Variants in HS3ST3A1 observed in about 807,000 individuals in gnomAD.
HS3ST3A1 encodes heparan sulfate glucosamine 3-O-sulfotransferase 3A1.
A neutral mutation model predicts 25.7 loss-of-function variants in HS3ST3A1; 19 were observed. The observed-to-expected ratio is 0.74, with a 90% CI of 0.52 to 1.08. HS3ST3A1 has a LOEUF of 1.08. HS3ST3A1 is among the 50% of genes least tolerant of loss of function. The pLI is 0.00. For synonymous variants in HS3ST3A1, 226 were observed against 278.6 expected (o/e 0.81, Z 1.88); for missense variants, 459 against 594.3 (o/e 0.77, Z 2.37).
At position 13,601,258 on chromosome 17, in the gene HS3ST3A1, T is replaced by C. The variant is rs1908732665; in HGVS notation, c.-129A>G. ...ACATCGCCGTGCGCCCCTGTGGCCG[T>C]GCGAACTGTCCCGGGAGGCAGCGGC... is the stretch of plus-strand genomic sequence containing the variant. On this transcript the variant is annotated 5_prime_UTR_variant, in exon 1 of 2. Transcript: ENST00000284110. The C allele has an allele frequency of 2.9e-6, 2 of 693,024 alleles. No homozygotes were observed. Among genetic ancestry groups the C allele is most frequent in the African/African-American group, 3.8e-5 (2 of 52,144 alleles). 42.9% of individuals were successfully genotyped at this position (693,024 alleles called of 1,614,324 possible).
At chr17:13,529,621 T>TA (rs1349600558) in intron 1 of HS3ST3A1, among the ~76,000 whole-genome samples, 1 of 152,198 alleles carries the variant, frequency 6.6e-6, no homozygotes, top group Non-Finnish European at 1.5e-5. Flanking sequence ...AAGTCTACTG[T>TA]AAAAAATCCA....
At chr17:13,573,287 C>G (rs904433120) in intron 1 of HS3ST3A1, among the ~76,000 whole-genome samples, 4 of 152,140 alleles carry the variant, frequency 2.6e-5, no homozygotes, top group South Asian at 4.2e-4. Context: ...CCTTCCAACT[C>G]ATAAATACTC....
At chr17:13,575,897 G>A (rs1223273979) in intron 1 of HS3ST3A1, among the ~76,000 whole-genome samples, 1 of 152,230 alleles carries the variant, frequency 6.6e-6, no homozygotes, top group African/African-American at 2.4e-5. Flanking sequence ...TTCACGGCAA[G>A]TCTTTCTGGA....
At chr17:13,589,614 CACA>C (rs989422058) in intron 1 of HS3ST3A1, among the ~76,000 whole-genome samples, 3 of 152,136 alleles carry the variant, frequency 2.0e-5, no homozygotes, top group African/African-American at 4.8e-5. Context: ...AAAGCAAACA[CACA>C]ACATTTGACA....
chr17:13,517,302 C>T (rs538514639), intron 1 of HS3ST3A1, among the ~76,000 whole-genome samples: 2 of 152,274 alleles, frequency 1.3e-5, no homozygotes, highest in Admixed American at 6.5e-5. Context: ...ATTTATTGAA[C>T]GTCTACCTTG....
At chr17:13,518,836 C>T (rs1257451671) in intron 1 of HS3ST3A1, among the ~76,000 whole-genome samples, 3 of 152,300 alleles carry the variant, frequency 2.0e-5, no homozygotes, top group South Asian at 2.1e-4. Context: ...GCCATCTGGT[C>T]GACCCACAGC....
chr17:13,512,142 A>G (rs887899287), intron 1 of HS3ST3A1, among the ~76,000 whole-genome samples: 9 of 151,982 alleles, frequency 5.9e-5, no homozygotes, highest in Non-Finnish European at 1.2e-4. Flanking sequence ...TACTAAAAAT[A>G]CAAAAAATTA....
At chr17:13,503,193 A>AG (rs1905543928) in intron 1 of HS3ST3A1, among the ~76,000 whole-genome samples, 6 of 146,600 alleles carry the variant, frequency 4.1e-5, no homozygotes, top group African/African-American at 1.5e-4. Context: ...AAAAAAAAAG[A>AG]AAAAAAAAGA....
chr17:13,539,898 T>C (rs892251017), intron 1 of HS3ST3A1, among the ~76,000 whole-genome samples: 2 of 152,192 alleles, frequency 1.3e-5, no homozygotes, highest in African/African-American at 4.8e-5. Context: ...CCACCAACCA[T>C]GTAAGATGAG....
At chr17:13,576,085 G>T (rs887308509) in intron 1 of HS3ST3A1, among the ~76,000 whole-genome samples, 11 of 152,222 alleles carry the variant, frequency 7.2e-5, no homozygotes, top group Non-Finnish European at 7.3e-5. Flanking sequence ...TGATTCTGAT[G>T]CAACTTAGGT....
intron 1 of HS3ST3A1, among the ~76,000 whole-genome samples, 170 bp downstream of exon 1, chr17:13,600,361 A>G (rs1908685651): frequency 6.6e-6 from 1 of 150,586 alleles, no homozygotes; most frequent in South Asian, 2.1e-4. Flanking sequence ...TTCAACATCC[A>G]CTTCCCAGGA....
rs767127250 is a variant in HS3ST3A1 at position 13,545,970 on chromosome 17, C to T, written c.600-49152G>A. 1.6e-4 allele frequency among the ~76,000 whole-genome samples: 24 copies of T among 151,964 alleles called. 1 individual carries two copies. The highest frequency in any genetic ancestry group is 2.8e-4 in the Non-Finnish European group (19 of 68,020). On this transcript the variant is annotated intron_variant, in intron 1 of 1. Transcript: ENST00000284110. ...CCAGCCTGGGTGACAGAGCGAGTCT[C>T]CTTCTCAAAATAATTTAAAAAAAAG...
At chr17:13,587,139 C>T (rs1255698011) in intron 1 of HS3ST3A1, among the ~76,000 whole-genome samples, 4 of 151,390 alleles carry the variant, frequency 2.6e-5, no homozygotes, top group African/African-American at 4.9e-5. Context: ...GAATAAAGTC[C>T]CAACTCCTTA....
chr17:13,538,842 T>C (rs1430054524), intron 1 of HS3ST3A1, among the ~76,000 whole-genome samples: 1 of 152,076 alleles, frequency 6.6e-6, no homozygotes, highest in Non-Finnish European at 1.5e-5. Flanking sequence ...CTATCAGAAA[T>C]CTCTTGGCCA....
intron 1 of HS3ST3A1, among the ~76,000 whole-genome samples, chr17:13,538,593 C>G (rs1053813400): frequency 1.3e-5 from 2 of 152,108 alleles, no homozygotes; most frequent in Non-Finnish European, 2.9e-5. Flanking sequence ...TACTCTGACC[C>G]ACATTTCTGA....
At chr17:13,526,603 T>TA (rs1442133057) in intron 1 of HS3ST3A1, among the ~76,000 whole-genome samples, 7 of 148,640 alleles carry the variant, frequency 4.7e-5, no homozygotes, top group Admixed American at 3.4e-4. Flanking sequence ...CAGATCAGAG[T>TA]AAAGTTAAAG....
chr17:13,500,524 A>G (rs889779143), intron 1 of HS3ST3A1, among the ~76,000 whole-genome samples: 4 of 152,190 alleles, frequency 2.6e-5, no homozygotes, highest in Non-Finnish European at 5.9e-5. Context: ...TTGCCTGAAG[A>G]CACAACAGGT....
At chr17:13,497,813 G>A (rs1905332762) in intron 1 of HS3ST3A1, among the ~76,000 whole-genome samples, 1 of 152,148 alleles carries the variant, frequency 6.6e-6, no homozygotes, top group Non-Finnish European at 1.5e-5. Flanking sequence ...TTTAATGTAG[G>A]CATTATCTAG....
chr17:13,591,973 C>T (rs1260145681), intron 1 of HS3ST3A1, among the ~76,000 whole-genome samples: 1 of 152,168 alleles, frequency 6.6e-6, no homozygotes, highest in Non-Finnish European at 1.5e-5. Context: ...ACGTGCTGCC[C>T]AATTTTCTAA....
Sources: allele counts gnomAD v4.1 joint callset (sites outside exome capture counted in the v4.1 genomes callset), GRCh38; gene constraint gnomAD v4.1.1; transcripts MANE v1.5; gene names NCBI Gene and HGNC (gene_info 2026-07-23, HGNC 2026-07-21).